NR3C2: variants seen among roughly 807,000 people sequenced by gnomAD.
NR3C2 encodes nuclear receptor subfamily 3 group C member 2.
In NR3C2, 15 loss-of-function variants were observed where a neutral mutation model predicts 86.4. The observed-to-expected ratio is 0.17, with a 90% CI of 0.12 to 0.27. The LOEUF (loss-of-function observed/expected upper bound fraction) is 0.27. NR3C2 is among the 10% of genes least tolerant of loss of function. The pLI is 1.00. For synonymous variants in NR3C2, 458 were observed against 450.5 expected, an observed-to-expected ratio of 1.02 and a Z score of -0.21; for missense variants, 960 against 1,195.6, an observed-to-expected ratio of 0.80 and a Z score of 2.91.
At chr4:148,418,748 G>C (rs1390233565) in intron 2 of NR3C2, among the ~76,000 whole-genome samples, 1 of 152,118 alleles carries the variant, frequency 6.6e-6, no homozygotes, top group East Asian at 1.9e-4. Context: ...ACATAGATTA[G>C]CTCAGAAAAT....
intron 4 of NR3C2, among the ~76,000 whole-genome samples, chr4:148,183,960 T>C (rs1735761562): frequency 6.6e-6 from 1 of 151,802 alleles, no homozygotes; most frequent in African/African-American, 2.4e-5. Context: ...TTTTTAGTTG[T>C]CACAACTGGA....
At chr4:148,375,860 A>G (rs1579223459) in intron 2 of NR3C2, among the ~76,000 whole-genome samples, 1 of 152,232 alleles carries the variant, frequency 6.6e-6, no homozygotes, top group African/African-American at 2.4e-5. Flanking sequence ...ATGCAGGTGC[A>G]TTAAAAATGA....
intron 3 of NR3C2, among the ~76,000 whole-genome samples, chr4:148,247,268 A>G (rs1739362570): frequency 6.6e-6 from 1 of 152,192 alleles, no homozygotes; most frequent in African/African-American, 2.4e-5. Context: ...TTAACGGCTC[A>G]ATAGAGGTTA....
At chr4:148,363,418 T>A (rs997072848) in intron 2 of NR3C2, among the ~76,000 whole-genome samples, 5 of 151,598 alleles carry the variant, frequency 3.3e-5, no homozygotes, top group Non-Finnish European at 5.9e-5. Context: ...TATTTATGTA[T>A]CAAAGTCACA....
chr4:148,095,390 T>C (rs9993133), intron 8 of NR3C2, among the ~76,000 whole-genome samples: 40,577 of 152,042 alleles, frequency 0.27, 7,347 homozygotes, highest in African/African-American at 0.52. Flanking sequence ...TGTTTCTATA[T>C]CTAAGGAAAA....
chr4:148,345,328 G>A (rs1744936668), intron 2 of NR3C2, among the ~76,000 whole-genome samples: 1 of 151,540 alleles, frequency 6.6e-6, no homozygotes, highest in Non-Finnish European at 1.5e-5. Context: ...ATGTAAATAA[G>A]ACAGAAAATG....
chr4:148,438,034 TGATAA>T (rs1373878068), intron 1 of NR3C2, among the ~76,000 whole-genome samples: 2 of 152,218 alleles, frequency 1.3e-5, no homozygotes, highest in Non-Finnish European at 2.9e-5. Flanking sequence ...CCTGAATGAC[TGATAA>T]AAGTATTATC....
intron 3 of NR3C2, among the ~76,000 whole-genome samples, chr4:148,212,771 G>A (rs541463306): frequency 2.6e-4 from 40 of 152,196 alleles, no homozygotes; most frequent in East Asian, 9.6e-4. Context: ...AAATTTAATC[G>A]CATGATCCAT....
chr4:148,100,833 G>T (rs1731501960), intron 8 of NR3C2, among the ~76,000 whole-genome samples: 1 of 152,128 alleles, frequency 6.6e-6, no homozygotes, highest in African/African-American at 2.4e-5. Flanking sequence ...TGACAGATTA[G>T]CAGGCAAACA....
chr4:148,222,358 G>T (rs1290232045), intron 3 of NR3C2, among the ~76,000 whole-genome samples: 3 of 152,022 alleles, frequency 2.0e-5, no homozygotes, highest in African/African-American at 7.2e-5. Context: ...GTACTCAAAA[G>T]CCTATTGATT....
At chr4:148,256,190 C>T (rs1010641895) in intron 3 of NR3C2, among the ~76,000 whole-genome samples, 10 of 152,316 alleles carry the variant, frequency 6.6e-5, no homozygotes, top group South Asian at 2.1e-4. Context: ...GACATTTCCA[C>T]AGATCCCCAT....
At chr4:148,442,496 G>A (rs1037487509), upstream of NR3C2, 2 of 278,640 alleles carry the variant, frequency 7.2e-6, no homozygotes, top group East Asian at 1.8e-4. Context: ...AGGGGGAGTG[G>A]GCCAGCTGGA....
At chr4:148,107,193 T>G (rs995488200) in intron 8 of NR3C2, among the ~76,000 whole-genome samples, 1 of 152,068 alleles carries the variant, frequency 6.6e-6, no homozygotes, top group Admixed American at 6.6e-5. Flanking sequence ...CATCAAAAAG[T>G]GGGCAAAGAC....
intron 2 of NR3C2, among the ~76,000 whole-genome samples, chr4:148,315,427 G>A (rs72655297): frequency 0.021 from 3,265 of 152,180 alleles, 110 homozygotes; most frequent in African/African-American, 0.074. Context: ...GAGAAACTCT[G>A]AACCCCTCAC....
At chr4:148,298,519 C>CAG (rs1180694330) in intron 2 of NR3C2, among the ~76,000 whole-genome samples, 4 of 152,288 alleles carry the variant, frequency 2.6e-5, no homozygotes, top group African/African-American at 9.6e-5. Flanking sequence ...ATTTACTTTC[C>CAG]TCTTTACCAG....
Position 148,109,334 on chromosome 4 carries a change from G to A in NR3C2, c.2799+4770C>T, listed in dbSNP as rs191522813. 5.3e-5 allele frequency among the ~76,000 whole-genome samples: 8 copies of A among 152,296 alleles called. No individual in the cohort carries two copies. In the East Asian group the frequency reaches 1.5e-3, roughly 29 times the overall value. ...TGCTGTCTGGCTGCCCTGTCTGGGG[G>A]TGTCTCCCTCCTATGACACTGCCTG... On this transcript the variant is annotated intron_variant, in intron 8 of 8. Coordinates refer to ENST00000358102, the MANE Select transcript of NR3C2 (RefSeq NM_000901.5).
At chr4:148,183,632 G>A (rs1278166700) in intron 4 of NR3C2, among the ~76,000 whole-genome samples, 1 of 152,160 alleles carries the variant, frequency 6.6e-6, no homozygotes, top group Non-Finnish European at 1.5e-5. Flanking sequence ...GACACATGAA[G>A]AGTATGTATC....
chr4:148,296,215 T>C (rs1742046969), intron 2 of NR3C2, among the ~76,000 whole-genome samples: 1 of 152,070 alleles, frequency 6.6e-6, no homozygotes, highest in Non-Finnish European at 1.5e-5. Context: ...ATTTTAAGAA[T>C]GAAAGTACAT....
At chr4:148,237,523 A>G (rs913016939) in intron 3 of NR3C2, among the ~76,000 whole-genome samples, 4 of 152,228 alleles carry the variant, frequency 2.6e-5, no homozygotes, top group African/African-American at 4.8e-5. Flanking sequence ...ACTGAAATTT[A>G]TAAACCAGAG....
Sources: allele counts gnomAD v4.1 joint callset (sites outside exome capture counted in the v4.1 genomes callset), GRCh38; gene constraint gnomAD v4.1.1; transcripts MANE v1.5; gene names NCBI Gene and HGNC (gene_info 2026-07-23, HGNC 2026-07-21).